Variants in CDKAL1 observed in about 807,000 individuals in gnomAD.
The protein encoded by CDKAL1 is threonylcarbamoyladenosine tRNA methylthiotransferase.
Under a neutral mutation model 68.2 loss-of-function variants are expected in CDKAL1, and 32 were observed. The observed-to-expected ratio is 0.47, with a 90% CI of 0.35 to 0.63. CDKAL1 has a LOEUF of 0.63. Ranked by LOEUF, CDKAL1 falls within the 30% of genes least tolerant of loss-of-function variation. CDKAL1 has a pLI of 0.00. For missense variants in CDKAL1, 606 were observed against 696.7 expected, an observed-to-expected ratio of 0.87 and a Z score of 1.47; for synonymous variants, 234 against 244.3, an observed-to-expected ratio of 0.96 and a Z score of 0.39.
chr6:20,622,732 GCTAT>G (rs5874775), intron 4 of CDKAL1, among the ~76,000 whole-genome samples: 73,847 of 151,276 alleles, frequency 0.49, 18,118 homozygotes, highest in East Asian at 0.64. Flanking sequence ...GTGATATTCT[GCTAT>G]CTTTTACTTT....
At chr6:21,088,807 T>C (rs1289078322) in intron 12 of CDKAL1, among the ~76,000 whole-genome samples, 5 of 152,122 alleles carry the variant, frequency 3.3e-5, no homozygotes, top group African/African-American at 7.2e-5. Context: ...CCAGGTGTTA[T>C]GGCAGGCGCC....
intron 8 of CDKAL1, among the ~76,000 whole-genome samples, chr6:20,788,360 A>G (rs1198324377): frequency 1.3e-5 from 2 of 152,238 alleles, no homozygotes; most frequent in African/African-American, 4.8e-5. Flanking sequence ...TAGGTATTAT[A>G]ACTGCTATAT....
At chr6:20,912,888 A>C (rs1762528464) in intron 9 of CDKAL1, among the ~76,000 whole-genome samples, 1 of 152,154 alleles carries the variant, frequency 6.6e-6, no homozygotes, top group Non-Finnish European at 1.5e-5. Context: ...CTGATTCTCC[A>C]TTAAACTCTT....
intron 4 of CDKAL1, among the ~76,000 whole-genome samples, chr6:20,624,443 T>C (rs1290475216): frequency 1.3e-5 from 2 of 152,002 alleles, no homozygotes; most frequent in Non-Finnish European, 2.9e-5. Flanking sequence ...TGCTTCTGAC[T>C]TGAGGGCAGG....
At chr6:20,986,445 C>T (rs1766455583) in intron 10 of CDKAL1, among the ~76,000 whole-genome samples, 1 of 151,904 alleles carries the variant, frequency 6.6e-6, no homozygotes, top group Admixed American at 6.6e-5. Flanking sequence ...ACATGCATTG[C>T]TTTTAATAGA....
chr6:20,794,551 A>G (rs1022133133), intron 8 of CDKAL1, among the ~76,000 whole-genome samples: 2 of 152,180 alleles, frequency 1.3e-5, no homozygotes, highest in Non-Finnish European at 2.9e-5. Context: ...ATGGCCAAAT[A>G]CCTACTACCC....
At chr6:20,578,091 T>C (rs1017610466) in intron 4 of CDKAL1, among the ~76,000 whole-genome samples, 2 of 152,204 alleles carry the variant, frequency 1.3e-5, no homozygotes, top group Non-Finnish European at 2.9e-5. Flanking sequence ...GTAACCTTCC[T>C]TCCCCTAAAC....
intron 13 of CDKAL1, among the ~76,000 whole-genome samples, chr6:21,115,284 T>C (rs1164036990): frequency 1.3e-5 from 2 of 152,272 alleles, no homozygotes; most frequent in Admixed American, 6.5e-5. Context: ...CAAGCCTTCA[T>C]TATCTCCTGT....
At chr6:20,874,470 A>AT (rs900104575) in intron 9 of CDKAL1, among the ~76,000 whole-genome samples, 26 of 149,832 alleles carry the variant, frequency 1.7e-4, no homozygotes, top group Admixed American at 6.7e-4. Flanking sequence ...CGCCTGGCTA[A>AT]TTTTTTTTTG....
intron 4 of CDKAL1, among the ~76,000 whole-genome samples, chr6:20,608,038 C>G (rs1766410568): frequency 6.6e-6 from 1 of 152,304 alleles, no homozygotes; most frequent in South Asian, 2.1e-4. Context: ...AGGGTACTTA[C>G]ATCTGAGTGT....
chr6:21,143,766 G>A (rs1166314558), intron 13 of CDKAL1, among the ~76,000 whole-genome samples: 1 of 152,098 alleles, frequency 6.6e-6, no homozygotes, highest in Admixed American at 6.6e-5. Context: ...AAAGATTATT[G>A]ATTGTCACAA....
intron 15 of CDKAL1, among the ~76,000 whole-genome samples, chr6:21,202,982 G>A (rs1778750341): frequency 1.3e-5 from 2 of 152,118 alleles, no homozygotes; most frequent in Non-Finnish European, 2.9e-5. Flanking sequence ...GTAGCATGAG[G>A]CCAGTGGGGT....
chr6:20,623,034 T>A (rs955434838), intron 4 of CDKAL1, among the ~76,000 whole-genome samples: 6 of 152,126 alleles, frequency 3.9e-5, no homozygotes, highest in Admixed American at 3.9e-4. Context: ...CTAATTATAT[T>A]GTTTTTGTAT....
At chr6:20,954,943 T>C (rs1764709019) in intron 9 of CDKAL1, among the ~76,000 whole-genome samples, 1 of 152,162 alleles carries the variant, frequency 6.6e-6, no homozygotes, top group Non-Finnish European at 1.5e-5. Context: ...GAAAAATGGA[T>C]ACCTTATAAT....
chr6:20,913,012 CA>C (rs554393179), intron 9 of CDKAL1, among the ~76,000 whole-genome samples: 13 of 147,420 alleles, frequency 8.8e-5, no homozygotes, highest in Non-Finnish European at 2.0e-4. Flanking sequence ...AAAAAGAAAA[CA>C]AAAAAAAGTG....
At chr6:20,997,948 T>C (rs1305279806) in intron 10 of CDKAL1, among the ~76,000 whole-genome samples, 1 of 152,184 alleles carries the variant, frequency 6.6e-6, no homozygotes, top group African/African-American at 2.4e-5. Flanking sequence ...TAGCATATAC[T>C]GGATTATCTT....
chr6:20,579,200 A>G (rs902058478), intron 4 of CDKAL1, among the ~76,000 whole-genome samples: 5 of 151,892 alleles, frequency 3.3e-5, no homozygotes, highest in Admixed American at 3.3e-4. Context: ...GCTGGTCTCG[A>G]ACTCCTGACC....
chr6:21,016,469 T>C (rs1768338968), intron 11 of CDKAL1, among the ~76,000 whole-genome samples: 1 of 152,172 alleles, frequency 6.6e-6, no homozygotes, highest in African/African-American at 2.4e-5. Flanking sequence ...TCTGTTTTAT[T>C]GTATCTGCTC....
At chr6:20,890,923 C>T (rs1023523861) in intron 9 of CDKAL1, among the ~76,000 whole-genome samples, 1 of 152,114 alleles carries the variant, frequency 6.6e-6, no homozygotes, top group African/African-American at 2.4e-5. Context: ...TATTTTAGTT[C>T]CTCATCTAAA....
Sources: gnomAD v4.1 joint callset for allele counts (sites outside exome capture counted in the v4.1 genomes callset) on GRCh38, gnomAD v4.1.1 for gene constraint, MANE v1.5 for transcripts, NCBI Gene and HGNC (gene_info 2026-07-23, HGNC 2026-07-21) for gene names.